CERT1: variants seen among roughly 807,000 people sequenced by gnomAD.
CERT1 encodes ceramide transfer protein.
In CERT1, 31 loss-of-function variants were observed where a neutral mutation model predicts 87.9. The ratio of observed to expected loss-of-function variants is 0.35; its 90% confidence interval spans 0.27 to 0.48. The LOEUF is 0.48. Ranked by LOEUF, CERT1 falls within the 20% of genes least tolerant of loss-of-function variation. The pLI is 0.99. For synonymous variants in CERT1, 289 were observed against 250.9 expected (o/e 1.15, Z -1.44); for missense variants, 487 against 758.0 (o/e 0.64, Z 4.20).
intron 16 of CERT1, among the ~76,000 whole-genome samples, chr5:75,380,481 G>A (rs1761517984): frequency 6.6e-6 from 1 of 152,048 alleles, no homozygotes; most frequent in African/African-American, 2.4e-5. Context: ...AAATATCTAA[G>A]AAAATGGTGC....
At chr5:75,404,311 A>AAAAAC in intron 8 of CERT1, among the ~76,000 whole-genome samples, 1 of 151,822 alleles carries the variant, frequency 6.6e-6, no homozygotes, top group African/African-American at 2.4e-5. Context: ...AAAAAAAAAA[A>AAAAAC]AAACAACTTT....
At chr5:75,440,529 C>A (rs527847258) in intron 3 of CERT1, among the ~76,000 whole-genome samples, 1 of 152,138 alleles carries the variant, frequency 6.6e-6, no homozygotes, top group East Asian at 1.9e-4. Flanking sequence ...TTTATGGGAG[C>A]TGGTTATTCA....
chr5:75,461,734 C>T (rs1765241015), intron 2 of CERT1, among the ~76,000 whole-genome samples: 1 of 148,654 alleles, frequency 6.7e-6, no homozygotes, highest in Non-Finnish European at 1.5e-5. Context: ...TGATCTGGAG[C>T]ATAGGTGGCA....
chr5:75,371,059 G>A (rs1041683726), intron 17 of CERT1: 1 of 151,970 alleles, frequency 6.6e-6, no homozygotes, highest in African/African-American at 2.4e-5. Context: ...ACTATTCAGA[G>A]TAGGGCAATA....
At chr5:75,391,117 A>ATG (rs1430387616) in intron 11 of CERT1, among the ~76,000 whole-genome samples, 1 of 152,130 alleles carries the variant, frequency 6.6e-6, no homozygotes, top group Non-Finnish European at 1.5e-5. Flanking sequence ...GGAGTGCACC[A>ATG]CCACATCCAG....
At chr5:75,484,089 T>C (rs1166748649) in intron 2 of CERT1, among the ~76,000 whole-genome samples, 2 of 151,710 alleles carry the variant, frequency 1.3e-5, no homozygotes, top group East Asian at 3.9e-4. Flanking sequence ...TGGGGGGTGA[T>C]AAAATTATAG....
At chr5:75,409,977 TTTTA>T (rs1762863503) in intron 8 of CERT1, among the ~76,000 whole-genome samples, 1 of 152,100 alleles carries the variant, frequency 6.6e-6, no homozygotes. Context: ...ATTTTTGTTA[TTTTA>T]TTTTATAGAG....
At chr5:75,399,275 A>C (rs1762375545) in intron 11 of CERT1, 35 bp downstream of exon 11, 1 of 1,471,346 alleles carries the variant, frequency 6.8e-7, no homozygotes, top group Non-Finnish European at 9.5e-7. Flanking sequence ...ATAGCACAGA[A>C]AGACTCAAGT....
intron 2 of CERT1, among the ~76,000 whole-genome samples, chr5:75,467,266 T>C (rs1367932917): frequency 6.6e-6 from 1 of 152,200 alleles, no homozygotes; most frequent in Non-Finnish European, 1.5e-5. Context: ...AATAAAATTA[T>C]GGGACTGCAG....
At chr5:75,483,850 GAA>G (rs930876567) in intron 2 of CERT1, among the ~76,000 whole-genome samples, 1 of 141,850 alleles carries the variant, frequency 7.0e-6, no homozygotes, top group Admixed American at 7.0e-5. Context: ...TCAGTCTGGG[GAA>G]AAAAAAAAAG....
In CERT1 at chr5:75,511,476, C is replaced by G. The variant is rs1275559725; in HGVS notation, c.-269G>C. The G allele has an allele frequency of 6.6e-7, 1 of 1,507,798 alleles. No individual in the cohort carries two copies. Among genetic ancestry groups the G allele is most frequent in the South Asian group, 1.3e-5 (1 of 79,594 alleles). The allele number at this position is 1,507,798 out of a possible 1,614,324, so 93.4% of individuals were successfully genotyped here. On this transcript the variant is annotated 5_prime_UTR_variant, in exon 1 of 17. Transcript: ENST00000643780. ...CGCCGTCGCCGTGACCCCTGCGTTG[C>G]GCCCGGCGCTGCCACCCGAACTTAG...
chr5:75,430,063 GA>G (rs1387735757), intron 3 of CERT1, among the ~76,000 whole-genome samples: 3 of 152,038 alleles, frequency 2.0e-5, no homozygotes, highest in South Asian at 4.2e-4. Flanking sequence ...AGGAGGAAAG[GA>G]ATCTGTAACC....
intron 5 of CERT1, 132 bp downstream of exon 5, chr5:75,425,229 T>G: frequency 1.3e-6 from 1 of 750,292 alleles, no homozygotes; most frequent in Non-Finnish European, 2.1e-6. Flanking sequence ...CACTGAAATC[T>G]GTTTCACTGG....
At chr5:75,432,049 C>A (rs897213463) in intron 3 of CERT1, among the ~76,000 whole-genome samples, 1 of 145,384 alleles carries the variant, frequency 6.9e-6, no homozygotes, top group East Asian at 2.0e-4. Flanking sequence ...TATAAACATT[C>A]CCCCCCCCTT....
chr5:75,472,165 C>T (rs1334896623), intron 2 of CERT1, among the ~76,000 whole-genome samples: 1 of 152,144 alleles, frequency 6.6e-6, no homozygotes, highest in Non-Finnish European at 1.5e-5. Flanking sequence ...GTGAAAAACA[C>T]ACAATGGGGA....
chr5:75,498,450 C>T (rs1204170528), intron 2 of CERT1, among the ~76,000 whole-genome samples: 1 of 152,196 alleles, frequency 6.6e-6, no homozygotes, highest in African/African-American at 2.4e-5. Context: ...CAGGGCCTTG[C>T]TGCTTTGTGC....
In CERT1 at chr5:75,433,236, T is replaced by G. The variant is rs1216940572; in HGVS notation, c.349-6758A>C. 3.3e-5 allele frequency among the ~76,000 whole-genome samples: 5 copies of G among 152,328 alleles called. 1 individual carries two copies. Among genetic ancestry groups the G allele is most frequent in the South Asian group, 4.1e-4 (2 of 4,832 alleles). ...TTTTCTAATTCTGTGAAAAAAGACA[T>G]TAGTAGTTTGATAGAAATGGCAATG... On this transcript the variant is annotated intron_variant, in intron 3 of 16. Coordinates refer to ENST00000643780, the MANE Select transcript of CERT1 (RefSeq NM_001379029.1).
chr5:75,441,856 A>C (rs1163021639), intron 3 of CERT1, among the ~76,000 whole-genome samples: 1 of 152,246 alleles, frequency 6.6e-6, no homozygotes, highest in Non-Finnish European at 1.5e-5. Context: ...ATTGTGAATC[A>C]TACCAGGAAC....
At chr5:75,503,899 A>ATTTTTTGT (rs1396232110) in intron 2 of CERT1, among the ~76,000 whole-genome samples, 1 of 151,132 alleles carries the variant, frequency 6.6e-6, no homozygotes, top group Non-Finnish European at 1.5e-5. Flanking sequence ...AAACATTTAA[A>ATTTTTTGT]TTAAATGTTT....
Sources: allele counts gnomAD v4.1 joint callset (sites outside exome capture counted in the v4.1 genomes callset), GRCh38; gene constraint gnomAD v4.1.1; transcripts MANE v1.5; gene names NCBI Gene and HGNC (gene_info 2026-07-23, HGNC 2026-07-21).